The following SMAD3 variants were observed in gnomAD, a reference collection of about 807,000 sequenced individuals.
The protein encoded by SMAD3 is MAD homolog 3.
A neutral mutation model predicts 51.8 loss-of-function variants in SMAD3; 12 were observed. The ratio of observed to expected loss-of-function variants is 0.23; its 90% CI spans 0.15 to 0.38. The LOEUF is 0.38. Ranked by LOEUF, SMAD3 falls within the 10% of genes least tolerant of loss-of-function variation. SMAD3 has a pLI of 1.00. For missense variants in SMAD3, 294 were observed against 565.6 expected, an observed-to-expected ratio of 0.52 and a Z score of 4.87; for synonymous variants, 238 against 227.7, an observed-to-expected ratio of 1.05 and a Z score of -0.41.
chr15:67,074,450 A>G (rs769164181), intron 1 of SMAD3, among the ~76,000 whole-genome samples: 1 of 152,268 alleles, frequency 6.6e-6, no homozygotes, highest in Non-Finnish European at 1.5e-5. Flanking sequence ...CCAAGCATCT[A>G]TATAAAGAAA....
At position 67,192,673 on chromosome 15, in the gene SMAD3, C is replaced by G; in HGVS notation, c.*2137C>G. ...ATGAGGGCTTCCTGTGGCACACAGC[C>G]CTCTGGGTGCTTGGGAACTAGCTTC... On this transcript the variant is annotated 3_prime_UTR_variant, in exon 9 of 9. Coordinates refer to ENST00000327367, the MANE Select transcript of SMAD3 (RefSeq NM_005902.4). 1 of 233,288 alleles carries G rather than the reference C, an allele frequency of 4.3e-6. No homozygotes were observed. Among genetic ancestry groups the G allele is most frequent in the Non-Finnish European group, 8.5e-6 (1 of 117,962 alleles). 14.5% of individuals were successfully genotyped at this position (233,288 alleles called of 1,614,324 possible).
chr15:67,071,368 C>G lies in SMAD3; in HGVS notation c.206+5008C>G, dbSNP rs539531671. On this transcript the variant is annotated intron_variant, in intron 1 of 8. Coordinates refer to ENST00000327367, the MANE Select transcript of SMAD3 (RefSeq NM_005902.4). ...GTAACTGGCACTGAACAGCTAGTGA[C>G]TTGGGTGCTATATTTTACTCCACTG... Among the ~76,000 whole-genome samples, 30 of 152,278 alleles carry G rather than the reference C, an allele frequency of 2.0e-4. No individual in the cohort carries two copies. In the South Asian group the frequency reaches 5.8e-3, roughly 29 times the overall value.
rs1400752912 is a variant in SMAD3, at chr15:67,112,421, A to T, written c.206+46061A>T. ...GGTGATCCACACGCCTTGGCCTCCC[A>T]AAGTGCTGGGATGATAGGCGTGAGC... is the stretch of plus-strand genomic sequence containing the variant. On this transcript the variant is annotated intron_variant, in intron 1 of 8. Coordinates refer to ENST00000327367, the MANE Select transcript of SMAD3 (RefSeq NM_005902.4). Among the ~76,000 whole-genome samples the T allele has an allele frequency of 3.0e-5, 4 of 131,294 alleles. 2 individuals are homozygous for T. The highest frequency in any genetic ancestry group is 6.3e-5 in the Non-Finnish European group (4 of 63,908). The allele number at this position is 131,294 out of a possible 152,430, so 86.1% of individuals were successfully genotyped here.
At chr15:67,110,596 C>CATTGTTACT (rs1960991082) in intron 1 of SMAD3, among the ~76,000 whole-genome samples, 1 of 152,162 alleles carries the variant, frequency 6.6e-6, no homozygotes, top group Non-Finnish European at 1.5e-5. Context: ...TGCAAATGCT[C>CATTGTTACT]ATTGTTACTT....
intron 1 of SMAD3, among the ~76,000 whole-genome samples, chr15:67,090,735 T>C (rs1417664694): frequency 6.6e-6 from 1 of 152,066 alleles, no homozygotes; most frequent in Non-Finnish European, 1.5e-5. Flanking sequence ...TTACTGCAGT[T>C]CCCCTCCCCA....
intron 1 of SMAD3, among the ~76,000 whole-genome samples, chr15:67,159,978 G>A (rs1388602927): frequency 2.6e-5 from 4 of 152,162 alleles, no homozygotes; most frequent in Non-Finnish European, 5.9e-5. Context: ...CAAGTCTTTG[G>A]ACATAGGCTT....
chr15:67,081,890 A>T (rs1034688055), intron 1 of SMAD3, among the ~76,000 whole-genome samples: 1 of 152,006 alleles, frequency 6.6e-6, no homozygotes, highest in Non-Finnish European at 1.5e-5. Context: ...TTGACTCATC[A>T]GGGTGATTAG....
intron 1 of SMAD3, among the ~76,000 whole-genome samples, chr15:67,114,955 C>T (rs1961103231): frequency 6.6e-6 from 1 of 152,220 alleles, no homozygotes; most frequent in Admixed American, 6.5e-5. Context: ...TTCACACCTC[C>T]TGTCTCAAAT....
intron 6 of SMAD3, among the ~76,000 whole-genome samples, chr15:67,182,014 T>G (rs1963075514): frequency 6.6e-6 from 1 of 152,184 alleles, no homozygotes; most frequent in South Asian, 2.1e-4. Context: ...CTCGAACTCC[T>G]GACCTCAGGT....
intron 4 of SMAD3, among the ~76,000 whole-genome samples, chr15:67,168,749 A>G (rs1404246249): frequency 1.3e-5 from 2 of 151,916 alleles, no homozygotes; most frequent in South Asian, 4.2e-4. Flanking sequence ...TGTGAACATG[A>G]GTGATTTATC....
intron 1 of SMAD3, chr15:67,146,220 A>G (rs1961970182): frequency 6.6e-6 from 1 of 152,228 alleles, no homozygotes; most frequent in Non-Finnish European, 1.5e-5. Flanking sequence ...AGAATCTTAA[A>G]TGTTTCCTAG....
At chr15:67,187,187 G>A (rs1396221291) in intron 7 of SMAD3, 178 bp from the exon 8 acceptor site, 5 of 755,040 alleles carry the variant, frequency 6.6e-6, no homozygotes, top group African/African-American at 5.1e-5. Context: ...GACTGGGTTG[G>A]CCTTCCCTTT....
intron 1 of SMAD3, among the ~76,000 whole-genome samples, chr15:67,092,966 GA>G (rs1159414381): frequency 1.3e-5 from 2 of 152,166 alleles, no homozygotes; most frequent in African/African-American, 4.8e-5. Flanking sequence ...TGTGTGGTCT[GA>G]AAATCAATGA....
chr15:67,134,692 C>T (rs1209343809), intron 1 of SMAD3, among the ~76,000 whole-genome samples: 2 of 152,206 alleles, frequency 1.3e-5, no homozygotes, highest in African/African-American at 2.4e-5. Flanking sequence ...ACTAAAGGCG[C>T]GACTCTGGCT....
At chr15:67,143,863 G>A (rs899033375) in intron 1 of SMAD3, among the ~76,000 whole-genome samples, 2 of 151,680 alleles carry the variant, frequency 1.3e-5, no homozygotes, top group Non-Finnish European at 2.9e-5. Context: ...TCCGCCTCCT[G>A]GGTTCACATG....
In SMAD3 at chr15:67,181,226, AC is replaced by A; in HGVS notation, c.659-12del. ...GGGACACCCAATGACCCAGTAGCCC[AC>A]CCTGTGTCCACAGACCTGCAGCCAG... is the stretch of plus-strand genomic sequence containing the variant. On this transcript the variant is annotated splice_polypyrimidine_tract_variant and intron_variant, in intron 5 of 8. Transcript: ENST00000327367. The A allele has an allele frequency of 6.2e-7, 1 of 1,609,640 alleles. No homozygotes were observed. Among genetic ancestry groups the A allele is most frequent in the Non-Finnish European group, 8.5e-7 (1 of 1,177,990 alleles).
At chr15:67,130,661 C>T (rs193226137) in intron 1 of SMAD3, among the ~76,000 whole-genome samples, 3 of 152,298 alleles carry the variant, frequency 2.0e-5, no homozygotes, top group African/African-American at 2.4e-5. Context: ...AGAATTTGCA[C>T]GTAGCAACTT....
At chr15:67,115,144 G>A (rs1004321215) in intron 1 of SMAD3, among the ~76,000 whole-genome samples, 2 of 152,170 alleles carry the variant, frequency 1.3e-5, no homozygotes, top group African/African-American at 4.8e-5. Context: ...TTGAGCAAAT[G>A]TGTATCAAGT....
intron 1 of SMAD3, chr15:67,138,191 GT>G (rs1277922595): frequency 2.0e-6 from 2 of 982,022 alleles, no homozygotes; most frequent in Non-Finnish European, 3.2e-6. Flanking sequence ...ATCTGTCAGA[GT>G]TTCTCCGGGC....
Sources: allele counts gnomAD v4.1 joint callset (sites outside exome capture counted in the v4.1 genomes callset), GRCh38; gene constraint gnomAD v4.1.1; transcripts MANE v1.5; gene names NCBI Gene and HGNC (gene_info 2026-07-23, HGNC 2026-07-21).